Variants in MICAL2 observed in about 807,000 individuals in gnomAD.
MICAL2 encodes microtubule associated monooxygenase, calponin and LIM domain containing 2, also known as [F-actin]-monooxygenase MICAL2.
Under a neutral mutation model 127.3 loss-of-function variants are expected in MICAL2, and 77 were observed. The observed-to-expected ratio is 0.60, with a 90% CI of 0.50 to 0.73. The LOEUF (loss-of-function observed/expected upper bound fraction) is 0.73. Among genes scored for constraint, MICAL2 ranks in the 30% least tolerant of loss-of-function variants. The pLI is 0.00. For missense variants in MICAL2, 1,351 were observed against 1,434.4 expected, an observed-to-expected ratio of 0.94 and a Z score of 0.94; for synonymous variants, 570 against 551.1, an observed-to-expected ratio of 1.03 and a Z score of -0.48.
chr11:12,215,278 C>T (rs1855996777), intron 7 of MICAL2, among the ~76,000 whole-genome samples: 1 of 152,310 alleles, frequency 6.6e-6, no homozygotes, highest in Middle Eastern at 3.4e-3. Context: ...ACAGTCGCGA[C>T]CTTCCTGATT....
At chr11:12,284,868 C>T (rs1480106451) in intron 2 of MICAL2, among the ~76,000 whole-genome samples, 1 of 152,136 alleles carries the variant, frequency 6.6e-6, no homozygotes, top group Non-Finnish European at 1.5e-5. Context: ...TGGGAACCTG[C>T]CAGACAGAGC....
intron 1 of MICAL2, among the ~76,000 whole-genome samples, chr11:12,279,735 A>C (rs1439275887): frequency 1.3e-5 from 2 of 152,166 alleles, no homozygotes; most frequent in Non-Finnish European, 2.9e-5. Context: ...CACACATGGA[A>C]CTCGGCTACT....
chr11:12,170,483 T>C lies in MICAL2; in HGVS notation c.264+8064T>C, dbSNP rs1261211012. Among the ~76,000 whole-genome samples, 4 of 152,298 alleles carry C rather than the reference T, an allele frequency of 2.6e-5. No homozygotes were observed. The South Asian group carries it at 6.2e-4, about 24-fold the overall frequency. ...AAAATAAAAAAGTTTGCTGTATCAGTAAAAGTGAATGTTCTTTAAGAGAAG... is the reference window on the plus strand; with the variant it reads ...AAAATAAAAAAGTTTGCTGTATCAGCAAAAGTGAATGTTCTTTAAGAGAAG... On this transcript the variant is annotated intron_variant, in intron 3 of 27. Transcript: ENST00000683283.
At chr11:12,250,397 T>C (rs1861383303) in intron 22 of MICAL2, 1 of 152,236 alleles carries the variant, frequency 6.6e-6, no homozygotes, top group African/African-American at 2.4e-5. Flanking sequence ...CCAATGGCCG[T>C]GCTTTGGACT....
At chr11:12,258,349 G>A in intron 24 of MICAL2, 119 bp from the exon 25 acceptor site, 1 of 777,776 alleles carries the variant, frequency 1.3e-6, no homozygotes, top group African/African-American at 1.7e-5. Context: ...GAGCCACCCT[G>A]GGCTATTTCC....
chr11:12,329,862 GAAAAAAA>G (rs59395634), intron 32 of MICAL2, among the ~76,000 whole-genome samples: 102 of 121,930 alleles, frequency 8.4e-4, no homozygotes, highest in Non-Finnish European at 1.0e-3. Flanking sequence ...CCCCAAATAT[GAAAAAAA>G]AAAAAAAAAA....
At chr11:12,186,888 C>T (rs1044526506) in intron 3 of MICAL2, among the ~76,000 whole-genome samples, 10 of 152,180 alleles carry the variant, frequency 6.6e-5, no homozygotes, top group East Asian at 1.9e-4. Flanking sequence ...AGGCTGAGGC[C>T]CACGGGCCCA....
intron 29 of MICAL2, among the ~76,000 whole-genome samples, chr11:12,318,424 CAG>C (rs1864255303): frequency 1.3e-5 from 2 of 152,158 alleles, no homozygotes; most frequent in Non-Finnish European, 2.9e-5. Context: ...AACCAGAAAA[CAG>C]GGATGTTTTG....
chr11:12,145,540 A>G (rs1186492708), intron 2 of MICAL2, among the ~76,000 whole-genome samples: 3 of 152,152 alleles, frequency 2.0e-5, no homozygotes, highest in Non-Finnish European at 4.4e-5. Context: ...CCAATGTCCT[A>G]TGCTTGGACA....
intron 12 of MICAL2, among the ~76,000 whole-genome samples, chr11:12,223,790 T>G (rs1392277887): frequency 5.3e-5 from 8 of 152,212 alleles, no homozygotes; most frequent in Admixed American, 3.3e-4. Context: ...CTTGTTCTTA[T>G]TTTCCTGTTG....
At chr11:12,310,043 G>A (rs1212081328) in intron 29 of MICAL2, among the ~76,000 whole-genome samples, 2 of 152,008 alleles carry the variant, frequency 1.3e-5, no homozygotes, top group Non-Finnish European at 2.9e-5. Context: ...TTTGTACTGA[G>A]TTATTTGAGT....
chr11:12,145,060 T>G (rs1852750162), intron 2 of MICAL2, among the ~76,000 whole-genome samples: 1 of 152,196 alleles, frequency 6.6e-6, no homozygotes, highest in Admixed American at 6.5e-5. Context: ...AAGGAATCCT[T>G]TCTCAGAACT....
Position 12,256,785 on chromosome 11 carries a change from G to A in MICAL2, c.2956G>A (p.Glu986Lys), listed in dbSNP as rs779030254. ...CCCACTCTTCTCTCCCGATCCCCAGGAATCTATGCGAAAGTCATTTCCCCT... is the reference window on the plus strand; with the variant it reads ...CCCACTCTTCTCTCCCGATCCCCAGAAATCTATGCGAAAGTCATTTCCCCT... ...PKAQATSPDLESMRKSFPLNL... is the reference protein window; with the variant it reads ...PKAQATSPDLKSMRKSFPLNL... The change falls in exon 24 of 28, where the codon GAA becomes AAA. Residue 986 changes from glutamate to lysine, a missense_variant and splice_region_variant. This residue lies in a region of MICAL2 where 752 missense variants were observed against 719.4 expected (regional missense o/e 1.05). Transcript: ENST00000683283. The A allele has an allele frequency of 6.2e-7, 1 of 1,608,894 alleles. No homozygotes were observed. The highest frequency in any genetic ancestry group is 1.7e-5 in the Admixed American group (1 of 59,760).
At chr11:12,156,186 C>A (rs1241299625) in intron 2 of MICAL2, among the ~76,000 whole-genome samples, 1 of 152,184 alleles carries the variant, frequency 6.6e-6, no homozygotes, top group East Asian at 1.9e-4. Context: ...AGGTCTGGGC[C>A]CTTGCTACCT....
intron 23 of MICAL2, chr11:12,256,054 T>C (rs1862285697): frequency 6.4e-6 from 2 of 314,070 alleles, no homozygotes; most frequent in Non-Finnish European, 5.9e-6. Flanking sequence ...TGAATGGCCC[T>C]CACTTTCAGT....
intron 1 of MICAL2, among the ~76,000 whole-genome samples, chr11:12,277,434 A>G (rs982461997): frequency 5.9e-5 from 9 of 152,196 alleles, no homozygotes; most frequent in African/African-American, 1.9e-4. Flanking sequence ...GCATGGATCT[A>G]AAGGGAATAA....
intron 7 of MICAL2, among the ~76,000 whole-genome samples, chr11:12,215,575 T>C (rs139211290): frequency 1.4e-4 from 21 of 152,328 alleles, no homozygotes; most frequent in African/African-American, 5.1e-4. Context: ...GTGATGCTGA[T>C]GCTGTTGGCC....
chr11:12,336,704 A>G (rs1565309044), intron 32 of MICAL2, among the ~76,000 whole-genome samples: 2 of 151,954 alleles, frequency 1.3e-5, no homozygotes, highest in Non-Finnish European at 2.9e-5. Flanking sequence ...GCATCTATTG[A>G]GATAATCATG....
intron 32 of MICAL2, among the ~76,000 whole-genome samples, chr11:12,341,072 A>T (rs887857774): frequency 1.2e-4 from 19 of 152,092 alleles, no homozygotes; most frequent in African/African-American, 4.6e-4. Flanking sequence ...TCCACATATG[A>T]AGGGTGGTAG....
Sources: allele counts gnomAD v4.1 joint callset (sites outside exome capture counted in the v4.1 genomes callset), GRCh38; gene constraint gnomAD v4.1.1; regional missense constraint gnomAD v4.1.1; transcripts MANE v1.5; gene names NCBI Gene and HGNC (gene_info 2026-07-23, HGNC 2026-07-21).